The following MORC1 variants were observed in gnomAD, a reference collection of about 807,000 sequenced individuals.
MORC1 encodes MORC family CW-type zinc finger 1, also known as MORC family CW-type zinc finger protein 1.
Under a neutral mutation model 134.9 loss-of-function variants are expected in MORC1, and 59 were observed. The ratio of observed to expected loss-of-function variants is 0.44; its 90% CI spans 0.35 to 0.54. MORC1 has a LOEUF of 0.54. Among genes scored for constraint, MORC1 ranks in the 20% least tolerant of loss-of-function variants. The probability of loss-of-function intolerance (pLI) is 0.00; values close to 1 mark genes in which losing one functional copy is unlikely to be tolerated. For synonymous variants in MORC1, 395 were observed against 391.7 expected (o/e 1.01, Z -0.10); for missense variants, 947 against 1,134.5 (o/e 0.83, Z 2.37).
At chr3:109,009,654 A>C (rs1011835716) in intron 17 of MORC1, among the ~76,000 whole-genome samples, 6 of 152,314 alleles carry the variant, frequency 3.9e-5, no homozygotes, top group African/African-American at 1.4e-4. Flanking sequence ...AGAAGTTTGA[A>C]GCCAAAGTGA....
chr3:109,005,113 G>A lies in MORC1; in HGVS notation c.1970C>T (p.Pro657Leu), dbSNP rs1036388276. The A allele has an allele frequency of 6.2e-7, 1 of 1,612,668 alleles. No homozygotes were observed. Among genetic ancestry groups the A allele is most frequent in the Non-Finnish European group, 8.5e-7 (1 of 1,179,616 alleles). ...EKMNSQQQRI[P>L]VALPENVKLA... ...TTTGACATTTTCTGGCAGAGCTACT[G>A]GAATTCTCTGCTGTTGAGAGTTCAT... The change falls in exon 19 of 28, where the codon CCA (proline) becomes CTA (leucine). Residue 657 changes from proline to leucine, a missense_variant. Transcript: ENST00000232603.
At chr3:108,987,850 T>C (rs1947937517) in intron 21 of MORC1, among the ~76,000 whole-genome samples, 1 of 151,850 alleles carries the variant, frequency 6.6e-6, no homozygotes, top group South Asian at 2.1e-4. Context: ...TTTGTAAAAC[T>C]GTGAGAAGCT....
chr3:109,053,161 C>A (rs1166732927), intron 14 of MORC1, among the ~76,000 whole-genome samples: 19 of 150,674 alleles, frequency 1.3e-4, no homozygotes, highest in African/African-American at 4.6e-4. Context: ...GACACTTACA[C>A]AATGTTGGTG....
rs569262238 is a variant in MORC1 at position 109,005,202 on chromosome 3, C to T, written c.1881G>A (p.Glu627=). Residue 627 remains glutamate, a synonymous_variant, in exon 19 of 28, where the codon GAG becomes GAA. Coordinates refer to ENST00000232603, the MANE Select transcript of MORC1 (RefSeq NM_014429.4). ...AAATATACTCTACATCAGAGTCTGTCTCTTCTATGTTTCTTTTCTGTCCTC... is the reference window on the plus strand; with the variant it reads ...AAATATACTCTACATCAGAGTCTGTTTCTTCTATGTTTCTTTTCTGTCCTC... ...SRRGQKRNIE[E]TDSDVEYISE... 5.7e-5 allele frequency: 92 copies of T among 1,613,920 alleles called. No individual in the cohort carries two copies. In the South Asian group the frequency reaches 9.7e-4, roughly 17 times the overall value.
chr3:109,039,809 T>A (rs1296807758), intron 14 of MORC1, among the ~76,000 whole-genome samples: 1 of 152,110 alleles, frequency 6.6e-6, no homozygotes, highest in African/African-American at 2.4e-5. Flanking sequence ...GCCATTTTTG[T>A]TATGCCTCTC....
At chr3:108,965,225 A>G (rs1947186723) in intron 26 of MORC1, among the ~76,000 whole-genome samples, 1 of 152,252 alleles carries the variant, frequency 6.6e-6, no homozygotes, top group African/African-American at 2.4e-5. Flanking sequence ...ATAAAAATAA[A>G]AGCCACAATA....
chr3:108,981,045 C>T lies in MORC1; in HGVS notation c.2325-1378G>A, dbSNP rs536819958. Among the ~76,000 whole-genome samples the T allele has an allele frequency of 2.0e-5, 3 of 152,102 alleles. No homozygotes were observed. In the South Asian group the frequency reaches 6.2e-4, roughly 32 times the overall value. On this transcript the variant is annotated intron_variant, in intron 23 of 27. Coordinates refer to ENST00000232603, the MANE Select transcript of MORC1 (RefSeq NM_014429.4). ...CATGGCTGCAGCATGAAAAATAACT[C>T]ACGGTAAGGATGTATAGTTTGTTGA...
intron 8 of MORC1, among the ~76,000 whole-genome samples, chr3:109,082,118 C>A (rs1030121693): frequency 6.6e-6 from 1 of 152,082 alleles, no homozygotes; most frequent in Non-Finnish European, 1.5e-5. Context: ...TCCCACACTG[C>A]TGGGGAATCC....
chr3:108,959,399 T>C (rs938487079), intron 27 of MORC1, among the ~76,000 whole-genome samples: 4 of 152,218 alleles, frequency 2.6e-5, no homozygotes, highest in Non-Finnish European at 4.4e-5. Flanking sequence ...TCCTAAAGCC[T>C]CCTCAGTCTA....
At chr3:109,000,351 G>T (rs1948369449) in intron 21 of MORC1, among the ~76,000 whole-genome samples, 2 of 152,088 alleles carry the variant, frequency 1.3e-5, no homozygotes, top group Non-Finnish European at 2.9e-5. Flanking sequence ...GTGGACTAGG[G>T]GTGGAGATGT....
chr3:109,064,175 T>A (rs1950145400), intron 9 of MORC1, among the ~76,000 whole-genome samples: 1 of 152,128 alleles, frequency 6.6e-6, no homozygotes, highest in South Asian at 2.1e-4. Flanking sequence ...TAGAAAACAA[T>A]CTGGAAAGAT....
chr3:108,991,043 C>T (rs954685834), intron 21 of MORC1, among the ~76,000 whole-genome samples: 5 of 152,006 alleles, frequency 3.3e-5, no homozygotes, highest in African/African-American at 9.7e-5. Flanking sequence ...GTCAGGGTGG[C>T]TACAGTAGAC....
chr3:109,093,467 CTTT>C lies in MORC1; in HGVS notation c.655_657del (p.Lys219del). 5 of 1,613,760 alleles carry C rather than the reference CTTT, an allele frequency of 3.1e-6. No individual in the cohort carries two copies. Among genetic ancestry groups the C allele is most frequent in the Non-Finnish European group, 4.2e-6 (5 of 1,179,720 alleles). On this transcript the variant is annotated inframe_deletion, in exon 8 of 28. Coordinates refer to ENST00000232603, the MANE Select transcript of MORC1 (RefSeq NM_014429.4). Reference sequence around the variant, plus strand: ...AGAGCTCCAGCCATCAGTATATCTTCTTTGTCAGTTTTAACATCCAACTCTGGT... The same window carrying C: ...AGAGCTCCAGCCATCAGTATATCTTCGTCAGTTTTAACATCCAACTCTGGT...
chr3:108,986,884 G>A lies in MORC1; in HGVS notation c.2253C>T (p.Asn751=), dbSNP rs1234993587. Residue 751 remains asparagine, a synonymous_variant, in exon 22 of 28, where the codon AAC becomes AAT. Coordinates refer to ENST00000232603, the MANE Select transcript of MORC1 (RefSeq NM_014429.4). ...CATGAGCTGATTTTTTTTTACCTTGGTTTAAAAGAGGAATTTCCTTTTTTT... is the reference window on the plus strand; with the variant it reads ...CATGAGCTGATTTTTTTTTACCTTGATTTAAAAGAGGAATTTCCTTTTTTT... The part of the protein sequence containing the change: ...KQEKKEIPLL[N]QEKQELCNDV... The A allele has an allele frequency of 2.6e-6, 4 of 1,553,354 alleles. No individual in the cohort carries two copies. Among genetic ancestry groups the A allele is most frequent in the Non-Finnish European group, 3.5e-6 (4 of 1,151,536 alleles).
chr3:109,109,518 T>C (rs1367300133), intron 3 of MORC1, among the ~76,000 whole-genome samples: 1 of 152,212 alleles, frequency 6.6e-6, no homozygotes, highest in Non-Finnish European at 1.5e-5. Context: ...TCTAGCCCCT[T>C]AATATGAGGC....
rs267599533 is a variant in MORC1, at chr3:109,094,986, G to A, written c.506C>T (p.Ser169Phe). The A allele has an allele frequency of 3.1e-6, 5 of 1,592,606 alleles. No individual in the cohort carries two copies. The Admixed American group carries it at 7.2e-5, about 23-fold the overall frequency. The change falls in exon 7 of 28, where the codon TCT (serine) becomes TTT (phenylalanine). Residue 169 changes from serine (S) to phenylalanine (F), a missense_variant. Ser to Phe is a radical substitution (Grantham distance 155). This residue lies in a region of MORC1 where 214 missense variants were observed against 281.3 expected (regional missense o/e 0.76). Coordinates refer to ENST00000232603, the MANE Select transcript of MORC1 (RefSeq NM_014429.4). ...DDPQKFAMEL[S>F]IIYKYSPFKT... Reference sequence around the variant, plus strand: ...AAATGGGGAGTATTTATAAATTATAGATAATTCCATTGCAAATTTCTGGGG... The same window carrying A: ...AAATGGGGAGTATTTATAAATTATAAATAATTCCATTGCAAATTTCTGGGG...
chr3:109,064,696 T>G (rs1160517261), intron 9 of MORC1, among the ~76,000 whole-genome samples: 1 of 152,220 alleles, frequency 6.6e-6, no homozygotes, highest in Non-Finnish European at 1.5e-5. Flanking sequence ...CATTATTATT[T>G]AAGTTATAAG....
At chr3:109,023,366 T>C (rs1949004500) in intron 17 of MORC1, among the ~76,000 whole-genome samples, 2 of 152,226 alleles carry the variant, frequency 1.3e-5, no homozygotes, top group Admixed American at 6.5e-5. Context: ...AAATGTATAG[T>C]AAATACAAAA....
At chr3:108,971,564 T>C (rs1017064749) in intron 24 of MORC1, among the ~76,000 whole-genome samples, 162 bp from the exon 25 acceptor site, 4 of 152,172 alleles carry the variant, frequency 2.6e-5, no homozygotes, top group African/African-American at 9.7e-5. Flanking sequence ...CAAAGTGTTC[T>C]TCAGAAAGCA....
Sources: gnomAD v4.1 joint callset for allele counts (sites outside exome capture counted in the v4.1 genomes callset) on GRCh38, gnomAD v4.1.1 for gene constraint, gnomAD v4.1.1 regional missense constraint, MANE v1.5 for transcripts, NCBI Gene and HGNC (gene_info 2026-07-23, HGNC 2026-07-21) for gene names.